The following ZNF408 variants were observed in gnomAD, a reference collection of about 807,000 sequenced individuals.
ZNF408 encodes the protein PR domain zinc finger protein 17.
In ZNF408, 24 loss-of-function variants were observed where a neutral mutation model predicts 27.6. That is an observed-to-expected ratio of 0.87 (90% CI 0.63 to 1.22). The LOEUF (loss-of-function observed/expected upper bound fraction) is 1.22, where lower values mean the gene tolerates loss of function less well. Ranked by LOEUF, ZNF408 falls within the 50% of genes most tolerant of loss-of-function variation. ZNF408 has a pLI of 0.00. For synonymous variants in ZNF408, 410 were observed against 396.1 expected, an observed-to-expected ratio of 1.04 and a Z score of -0.42; for missense variants, 897 against 949.0, an observed-to-expected ratio of 0.95 and a Z score of 0.72.
intron 1 of ZNF408, 60 bp downstream of exon 1, chr11:46,701,159 TG>T (rs1442350706): frequency 2.9e-5 from 47 of 1,613,154 alleles, no homozygotes; most frequent in Non-Finnish European, 4.0e-5. Flanking sequence ...TGACGCTCTG[TG>T]GTCAGCTTTC....
chr11:46,703,766 TG>T (rs377518051), intron 4 of ZNF408, among the ~76,000 whole-genome samples: 17,321 of 80,574 alleles, frequency 0.21, 2,939 homozygotes, highest in Non-Finnish European at 0.29. Flanking sequence ...TTGTTGTTGT[TG>T]TTGTTTTTTT....
Position 46,704,851 on chromosome 11 carries a change from C to A in ZNF408, c.1151C>A (p.Thr384Asn). The A allele has an allele frequency of 6.2e-7, 1 of 1,601,712 alleles. No individual in the cohort carries two copies. The highest frequency in any genetic ancestry group is 1.7e-5 in the Admixed American group (1 of 58,442). ...ACGGGCCACAAGCCCTTTCTTTGCACTGAGTGTGGCAAGAGCTATAGCTCA... is the reference window on the plus strand; with the variant it reads ...ACGGGCCACAAGCCCTTTCTTTGCAATGAGTGTGGCAAGAGCTATAGCTCA... Reference protein sequence around the residue: ...VHTGHKPFLCTECGKSYSSEE... With the variant: ...VHTGHKPFLCNECGKSYSSEE... Residue 384 changes from threonine to asparagine, a missense_variant, in exon 5 of 5, where the codon ACT (threonine) becomes AAT (asparagine). Coordinates refer to ENST00000311764, the MANE Select transcript of ZNF408 (RefSeq NM_024741.3).
chr11:46,705,702 TC>T lies in ZNF408; in HGVS notation c.2007del (p.Ala670ProfsTer31). On this transcript the variant is annotated frameshift_variant, in exon 5 of 5. Transcript: ENST00000311764. LOFTEE classifies it low-confidence loss of function (END_TRUNC). This position sits in a 1 kb window ranked among gnomAD's most constrained non-coding sequence, Gnocchi z 6.5. ...LLDTHREEEV[S>X]PARDVVEVTI... The stretch of plus-strand genomic sequence containing the variant: ...GGACACACACAGAGAGGAGGAAGTC[TC>T]CCCCGCCAGGGATGTTGTTGAGGTC... 1 of 1,613,512 alleles carries T rather than the reference TC, an allele frequency of 6.2e-7. No homozygotes were observed. Among genetic ancestry groups the T allele is most frequent in the South Asian group, 1.1e-5 (1 of 90,984 alleles).
Position 46,704,915 on chromosome 11 carries a change from G to A in ZNF408, c.1215G>A (p.Gly405=). 6.2e-7 allele frequency: 1 copy of A among 1,613,240 alleles called. No homozygotes were observed. The part of the protein sequence containing the change: ...SFKAHMLGHR[G]VRPFPCPQCD... ...AAGCCCATATGCTGGGCCACCGTGG[G>A]GTGCGGCCCTTCCCCTGTCCACAAT... The change falls in exon 5 of 5, where the codon GGG becomes GGA. Residue 405 remains glycine (G), a synonymous_variant. Transcript: ENST00000311764.
Position 46,705,402 on chromosome 11 carries a change from G to A in ZNF408, c.1702G>A (p.Ala568Thr), listed in dbSNP as rs1384796957. Residue 568 changes from alanine to threonine, a missense_variant, in exon 5 of 5, where the codon GCT (alanine) becomes ACT (threonine). By Grantham distance (58) the Ala-to-Thr change is moderately conservative. Transcript: ENST00000311764. This position sits in a 1 kb window ranked among gnomAD's most constrained non-coding sequence, Gnocchi z 6.5. ...CCTCCGAGACCCACACACGCTCCGA[G>A]CTCACGAGCGCCTGCACTCCGGAGA... is the stretch of plus-strand genomic sequence containing the variant. ...KALRDPHTLRAHERLHSGERP... is the reference protein window; with the variant it reads ...KALRDPHTLRTHERLHSGERP... 1 of 1,608,000 alleles carries A rather than the reference G, an allele frequency of 6.2e-7. No homozygotes were observed. The highest frequency in any genetic ancestry group is 8.5e-7 in the Non-Finnish European group (1 of 1,179,610).
Position 46,703,248 on chromosome 11 carries a change from G to A in ZNF408, c.652+5G>A, listed in dbSNP as rs2064724264. On this transcript the variant is annotated splice_donor_5th_base_variant and intron_variant, in intron 4 of 4. Transcript: ENST00000311764. ...ATGCAGCAGAACCTTGCATAGGTAT[G>A]TGTCAAATAAATGCTGGTTTCCCAG... 6.2e-7 allele frequency: 1 copy of A among 1,600,726 alleles called. No individual in the cohort carries two copies. Among genetic ancestry groups the A allele is most frequent in the East Asian group, 2.2e-5 (1 of 44,602 alleles).
At chr11:46,704,241 T>C in intron 4 of ZNF408, 112 bp from the exon 5 acceptor site, 1 of 1,117,490 alleles carries the variant, frequency 8.9e-7, no homozygotes, top group Non-Finnish European at 1.3e-6. Context: ...GTATCATTGC[T>C]CCCTCTAAGG....
chr11:46,705,578 G>C lies in ZNF408; in HGVS notation c.1878G>C (p.Gln626His), dbSNP rs1285353867. The stretch of plus-strand genomic sequence containing the variant: ...TCCCGCAGAGCCTCAGGCGGCATCA[G>C]CTCAGTCACCGGCCTGAGGCACCCT... ...YTLPQSLRRH[Q>H]LSHRPEAPCS... Residue 626 changes from glutamine (Q) to histidine (H), a missense_variant, in exon 5 of 5, where the codon CAG becomes CAC. By Grantham distance (24) the Gln-to-His change is conservative. Transcript: ENST00000311764. The surrounding 1 kb of genome is among the most constrained non-coding windows in gnomAD (Gnocchi z 6.5). 2 of 1,607,552 alleles carry C rather than the reference G, an allele frequency of 1.2e-6. No homozygotes were observed. Among genetic ancestry groups the C allele is most frequent in the African/African-American group, 1.3e-5 (1 of 74,922 alleles).
chr11:46,701,286 C>T (rs2134504731), intron 1 of ZNF408, 113 bp from the exon 2 acceptor site: 1 of 1,555,432 alleles, frequency 6.4e-7, no homozygotes, highest in East Asian at 2.3e-5. Context: ...TTAGAGCCCT[C>T]ACCTGTCCCT....
At chr11:46,704,223 A>C in intron 4 of ZNF408, 130 bp from the exon 5 acceptor site, 292 of 913,066 alleles carry the variant, frequency 3.2e-4, no homozygotes, top group Non-Finnish European at 4.1e-4. Flanking sequence ...GCTCCAGGGA[A>C]GAGATTGGTA....
chr11:46,702,893 T>G, intron 3 of ZNF408, 91 bp from the exon 4 acceptor site: 1 of 1,597,032 alleles, frequency 6.3e-7, no homozygotes, highest in Non-Finnish European at 8.6e-7. Flanking sequence ...ACGGCGTCCT[T>G]TAGGACCCAG....
chr11:46,701,787 A>G, intron 2 of ZNF408, 111 bp downstream of exon 2: 4 of 1,328,848 alleles, frequency 3.0e-6, no homozygotes, highest in Non-Finnish European at 4.0e-6. Context: ...GAGATAGGAG[A>G]TAGTCTTGTC....
intron 4 of ZNF408, among the ~76,000 whole-genome samples, chr11:46,703,955 C>T (rs1032137853): frequency 6.6e-6 from 1 of 151,786 alleles, no homozygotes; most frequent in Non-Finnish European, 1.5e-5. Flanking sequence ...TGGTCTCGAA[C>T]TCCTGGCCTC....
rs1289074050 is a variant in ZNF408, at chr11:46,705,219, C to T, written c.1519C>T (p.Gln507Ter). ...CCCGCACTGTGGCCGGGCGTTTCGTCAGCGGGGCAACCTGCGTGGGCATTT... is the reference window on the plus strand; with the variant it reads ...CCCGCACTGTGGCCGGGCGTTTCGTTAGCGGGGCAACCTGCGTGGGCATTT... ...LCPHCGRAFRQRGNLRGHLRL... is the reference protein window; with the variant it reads ...LCPHCGRAFR Residue 507 changes from glutamine (Q) to a stop codon, truncating the protein, a stop_gained, in exon 5 of 5, where the codon CAG (glutamine) becomes TAG (stop). Coordinates refer to ENST00000311764, the MANE Select transcript of ZNF408 (RefSeq NM_024741.3). LOFTEE classifies it low-confidence loss of function (END_TRUNC). The surrounding 1 kb of genome is among the most constrained non-coding windows in gnomAD (Gnocchi z 6.5). 1.2e-6 allele frequency: 2 copies of T among 1,611,886 alleles called. No homozygotes were observed. The highest frequency in any genetic ancestry group is 1.7e-6 in the Non-Finnish European group (2 of 1,179,908).
chr11:46,701,503 G>A lies in ZNF408; in HGVS notation c.157G>A (p.Ala53Thr). The A allele has an allele frequency of 3.1e-6, 5 of 1,614,020 alleles. No homozygotes were observed. The South Asian group carries it at 4.4e-5, about 14-fold the overall frequency. Residue 53 changes from alanine (A) to threonine (T), a missense_variant, in exon 2 of 5, where the codon GCT becomes ACT. Ala to Thr is a moderately conservative substitution (Grantham distance 58, BLOSUM62 0). Coordinates refer to ENST00000311764, the MANE Select transcript of ZNF408 (RefSeq NM_024741.3). The part of the protein sequence containing the change: ...VPPEPTRDIL[A>T]LKSLPRGLAL... Reference sequence around the variant, plus strand: ...ACCCGAGCCGACCCGAGACATCCTCGCTTTAAAGAGCCTTCCCCGGGGCTT... The same window carrying A: ...ACCCGAGCCGACCCGAGACATCCTCACTTTAAAGAGCCTTCCCCGGGGCTT...
chr11:46,705,535 G>A lies in ZNF408; in HGVS notation c.1835G>A (p.Cys612Tyr). ...LEDKPYRCPT[C>Y]GMGYTLPQSL... The stretch of plus-strand genomic sequence containing the variant: ...GACAAGCCCTACCGCTGCCCCACCT[G>A]TGGCATGGGCTACACCCTCCCGCAG... The change falls in exon 5 of 5, where the codon TGT becomes TAT. Residue 612 changes from cysteine (C) to tyrosine (Y), a missense_variant. Cys to Tyr is a radical substitution (Grantham distance 194). Coordinates refer to ENST00000311764, the MANE Select transcript of ZNF408 (RefSeq NM_024741.3). This position sits in a 1 kb window ranked among gnomAD's most constrained non-coding sequence, Gnocchi z 6.5. 1 of 1,604,862 alleles carries A rather than the reference G, an allele frequency of 6.2e-7. No individual in the cohort carries two copies. Among genetic ancestry groups the A allele is most frequent in the African/African-American group, 1.3e-5 (1 of 75,072 alleles).
intron 4 of ZNF408, among the ~76,000 whole-genome samples, chr11:46,703,784 T>TTTTTG (rs2064729775): frequency 6.8e-6 from 1 of 146,108 alleles, no homozygotes; most frequent in Non-Finnish European, 1.5e-5. Flanking sequence ...TTTTTTTTTT[T>TTTTTG]TGAGATGGAG....
intron 4 of ZNF408, among the ~76,000 whole-genome samples, chr11:46,703,764 G>GTTTTTTTTTTTTTTT (rs1276758688): frequency 1.3e-5 from 1 of 75,480 alleles, no homozygotes; most frequent in Non-Finnish European, 2.7e-5. Flanking sequence ...TGTTGTTGTT[G>GTTTTTTTTTTTTTTT]TTGTTGTTTT....
At position 46,703,113 on chromosome 11, in the gene ZNF408, C is replaced by T. The variant is rs564688498; in HGVS notation, c.522C>T (p.Ser174=). The change falls in exon 4 of 5, where the codon TCC becomes TCT. Residue 174 remains serine, a synonymous_variant. Transcript: ENST00000311764. The stretch of plus-strand genomic sequence containing the variant: ...AACTGCTGCTGTGGCCCCAGCCTTC[C>T]TCTGAGGGCCCAAGTCTCACCCAGC... ...GSELLLWPQP[S]SEGPSLTQPG... is the part of the protein sequence containing the mutation. The T allele has an allele frequency of 1.5e-5, 24 of 1,612,174 alleles. No homozygotes were observed. Among genetic ancestry groups the T allele is most frequent in the Non-Finnish European group, 1.9e-5 (22 of 1,179,328 alleles).
Sources: allele counts gnomAD v4.1 joint callset (sites outside exome capture counted in the v4.1 genomes callset), GRCh38; gene constraint gnomAD v4.1.1; non-coding constraint Gnocchi (gnomAD v3.1); transcripts MANE v1.5; gene names NCBI Gene and HGNC (gene_info 2026-07-23, HGNC 2026-07-21).